The following NPAS3 variants were observed in gnomAD, a reference collection of about 807,000 sequenced individuals.
NPAS3 encodes neuronal PAS domain protein 3.
A neutral mutation model predicts 73.1 loss-of-function variants in NPAS3; 14 were observed. That is an observed-to-expected ratio of 0.19 (90% CI 0.13 to 0.30). NPAS3 has a LOEUF of 0.30. NPAS3 is among the 10% of genes least tolerant of loss of function. The pLI, the probability that NPAS3 is intolerant of heterozygous loss-of-function variation, is 1.00. For missense variants in NPAS3, 1,096 were observed against 1,250.0 expected, an observed-to-expected ratio of 0.88 and a Z score of 1.86; for synonymous variants, 620 against 541.5, an observed-to-expected ratio of 1.14 and a Z score of -2.01.
intron 4 of NPAS3, among the ~76,000 whole-genome samples, chr14:33,474,723 C>T (rs901240166): frequency 1.4e-4 from 21 of 152,012 alleles, no homozygotes; most frequent in African/African-American, 5.1e-4. Context: ...ACTAGCAAAA[C>T]TTAGTAACGT....
intron 4 of NPAS3, among the ~76,000 whole-genome samples, chr14:33,522,623 A>T (rs1299972786): frequency 6.6e-6 from 1 of 152,142 alleles, no homozygotes; most frequent in East Asian, 1.9e-4. Context: ...GGACAAAGAC[A>T]TTGGGGACCG....
At chr14:33,742,238 T>C (rs1431448266) in intron 7 of NPAS3, among the ~76,000 whole-genome samples, 1 of 152,148 alleles carries the variant, frequency 6.6e-6, no homozygotes, top group Non-Finnish European at 1.5e-5. Context: ...ACACCCCACA[T>C]TTCTGTTTCA....
chr14:33,118,658 G>A (rs960933977), intron 2 of NPAS3, among the ~76,000 whole-genome samples: 5 of 152,000 alleles, frequency 3.3e-5, no homozygotes, highest in Non-Finnish European at 1.5e-5. Context: ...TGTATCCAGG[G>A]CAAAATATAG....
chr14:33,270,392 A>G (rs1472882973), intron 3 of NPAS3, among the ~76,000 whole-genome samples: 1 of 152,228 alleles, frequency 6.6e-6, no homozygotes, highest in East Asian at 1.9e-4. Context: ...ATAGAAGAGG[A>G]AAGATAAATT....
chr14:33,196,105 G>A lies in NPAS3; in HGVS notation c.141-19077G>A, dbSNP rs142105260. Among the ~76,000 whole-genome samples, 267 of 152,296 alleles carry A rather than the reference G, an allele frequency of 1.8e-3. 2 individuals carry two copies. Among genetic ancestry groups the A allele is most frequent in the African/African-American group, 5.5e-3 (227 of 41,568 alleles). On this transcript the variant is annotated intron_variant, in intron 2 of 11. Coordinates refer to ENST00000356141, the Ensembl canonical transcript of NPAS3. ...CTATTACTGGCAGAGTTCGGCCAGC[G>A]CTAAGGTCCCATGACTTGTAGATCG... is the stretch of plus-strand genomic sequence containing the variant.
At chr14:33,390,767 C>T (rs757231271) in intron 4 of NPAS3, among the ~76,000 whole-genome samples, 6 of 152,116 alleles carry the variant, frequency 3.9e-5, no homozygotes, top group Non-Finnish European at 4.4e-5. Flanking sequence ...TTGTGTGTTA[C>T]ATTGCACTTT....
At chr14:33,433,224 G>T (rs2048851979) in intron 4 of NPAS3, among the ~76,000 whole-genome samples, 1 of 152,206 alleles carries the variant, frequency 6.6e-6, no homozygotes, top group Non-Finnish European at 1.5e-5. Flanking sequence ...TTTCTGAGTA[G>T]CTTGTCAGTA....
intron 1 of NPAS3, among the ~76,000 whole-genome samples, chr14:32,986,421 G>A (rs998554978): frequency 6.6e-6 from 1 of 152,108 alleles, no homozygotes; most frequent in Non-Finnish European, 1.5e-5. Context: ...TGAAAGAGTT[G>A]GACACAGCTG....
intron 5 of NPAS3, among the ~76,000 whole-genome samples, chr14:33,591,743 A>G (rs1284057993): frequency 6.6e-6 from 1 of 152,182 alleles, no homozygotes; most frequent in Non-Finnish European, 1.5e-5. Context: ...AGCACAGTCA[A>G]ATCTCTTGAT....
chr14:33,595,839 T>G lies in NPAS3; in HGVS notation c.558+35629T>G, dbSNP rs150177646. On this transcript the variant is annotated intron_variant, in intron 5 of 11. Coordinates refer to ENST00000356141, the Ensembl canonical transcript of NPAS3. ...GTGCCCGCCACCACGCCTGGCTGAT[T>G]TTTTGTATTTTTAGTAGAGACGGGG... Among the ~76,000 whole-genome samples, 523 of 152,190 alleles carry G rather than the reference T, an allele frequency of 3.4e-3. 3 individuals are homozygous for G. The highest frequency in any genetic ancestry group is 0.012 in the African/African-American group (494 of 41,528).
At chr14:33,325,760 C>T (rs543162052) in intron 3 of NPAS3, among the ~76,000 whole-genome samples, 144 of 150,104 alleles carry the variant, frequency 9.6e-4, no homozygotes, top group Middle Eastern at 3.2e-3. Flanking sequence ...ACCCATTAAC[C>T]ATCCCTATTT....
At chr14:33,711,614 T>A (rs1011107230) in intron 6 of NPAS3, among the ~76,000 whole-genome samples, 1 of 152,184 alleles carries the variant, frequency 6.6e-6, no homozygotes, top group Non-Finnish European at 1.5e-5. Flanking sequence ...TTTACTATAA[T>A]GACAGGACCT....
intron 4 of NPAS3, among the ~76,000 whole-genome samples, chr14:33,370,422 G>A (rs1486558018): frequency 1.3e-5 from 2 of 152,154 alleles, no homozygotes; most frequent in African/African-American, 2.4e-5. Context: ...CTTACTTGGG[G>A]ACTGTTTAGA....
At chr14:33,308,521 T>TACACACACACAC (rs1195465509) in intron 3 of NPAS3, among the ~76,000 whole-genome samples, 2 of 38,526 alleles carry the variant, frequency 5.2e-5, no homozygotes, top group African/African-American at 3.5e-4. Flanking sequence ...TATATATATA[T>TACACACACACAC]ATATATACAT....
At chr14:33,219,756 A>T (rs1264795285) in intron 3 of NPAS3, among the ~76,000 whole-genome samples, 4 of 152,186 alleles carry the variant, frequency 2.6e-5, no homozygotes, top group Non-Finnish European at 5.9e-5. Flanking sequence ...GTGTAGTGTA[A>T]CTGAGTACAG....
At chr14:33,267,344 A>G (rs2139993207) in intron 3 of NPAS3, among the ~76,000 whole-genome samples, 1 of 152,320 alleles carries the variant, frequency 6.6e-6, no homozygotes, top group Admixed American at 6.5e-5. Context: ...CAGATAGAAG[A>G]TTTTTGAAAT....
intron 4 of NPAS3, among the ~76,000 whole-genome samples, chr14:33,496,845 G>T (rs1373323037): frequency 6.6e-6 from 1 of 152,112 alleles, no homozygotes; most frequent in Non-Finnish European, 1.5e-5. Context: ...GGAAGTTCTG[G>T]CCAGGGCAGT....
At chr14:33,528,801 T>C (rs1005375390) in intron 4 of NPAS3, among the ~76,000 whole-genome samples, 4 of 152,092 alleles carry the variant, frequency 2.6e-5, no homozygotes, top group African/African-American at 7.2e-5. Flanking sequence ...ACTTCTAATA[T>C]AACAACAGCA....
At chr14:33,512,646 T>G (rs2053112705) in intron 4 of NPAS3, among the ~76,000 whole-genome samples, 1 of 152,076 alleles carries the variant, frequency 6.6e-6, no homozygotes, top group African/African-American at 2.4e-5. Context: ...TGCCTCTGTG[T>G]GTACTAAGTA....
Sources: allele counts gnomAD v4.1 joint callset (sites outside exome capture counted in the v4.1 genomes callset), GRCh38; gene constraint gnomAD v4.1.1; transcripts MANE v1.5; gene names NCBI Gene and HGNC (gene_info 2026-07-23, HGNC 2026-07-21).